The following ACAD8 variants were observed in gnomAD, a reference collection of about 807,000 sequenced individuals.
ACAD8 encodes isobutyryl-CoA dehydrogenase, mitochondrial.
Under a neutral mutation model 53.1 loss-of-function variants are expected in ACAD8, and 47 were observed. The observed-to-expected ratio is 0.89, with a 90% CI of 0.70 to 1.13. The LOEUF (loss-of-function observed/expected upper bound fraction) is 1.13, where lower values mean the gene tolerates loss of function less well. Ranked by LOEUF, ACAD8 falls within the 50% of genes most tolerant of loss-of-function variation. The pLI is 0.00. For synonymous variants in ACAD8, 198 were observed against 201.3 expected (o/e 0.98, Z 0.14); for missense variants, 494 against 535.0 (o/e 0.92, Z 0.76).
Position 134,253,576 on chromosome 11 carries a change from A to G in ACAD8, c.-25A>G, listed in dbSNP as rs1939248403. On this transcript the variant is annotated 5_prime_UTR_variant, in exon 1 of 11. Coordinates refer to ENST00000281182, the MANE Select transcript of ACAD8 (RefSeq NM_014384.3). Reference sequence around the variant, plus strand: ...GGAGGTCGAAGGCGTTCAGACTCTTAGCTGAACGCGGAGCTGCGGCGGCTA... The same window carrying G: ...GGAGGTCGAAGGCGTTCAGACTCTTGGCTGAACGCGGAGCTGCGGCGGCTA... The G allele has an allele frequency of 2.6e-6, 4 of 1,558,454 alleles. No individual in the cohort carries two copies. In the South Asian group the frequency reaches 3.5e-5, roughly 14 times the overall value.
intron 6 of ACAD8, chr11:134,260,065 G>A: frequency 8.2e-7 from 1 of 1,213,140 alleles, no homozygotes; most frequent in Non-Finnish European, 1.0e-6. Flanking sequence ...TCCAGGAAGA[G>A]ACGCTTAGAG....
intron 10 of ACAD8, chr11:134,263,141 A>G: frequency 3.7e-6 from 4 of 1,083,348 alleles, no homozygotes; most frequent in Non-Finnish European, 4.5e-6. Flanking sequence ...TCTATCGAGG[A>G]AACATGGAAG....
At position 134,261,763 on chromosome 11, in the gene ACAD8, T is replaced by G. The variant is rs577976129; in HGVS notation, c.965T>G (p.Met322Arg). The change falls in exon 9 of 11, where the codon ATG becomes AGG. Residue 322 changes from methionine to arginine, a missense_variant. Transcript: ENST00000281182. This position sits in a 1 kb window ranked among gnomAD's most constrained non-coding sequence, Gnocchi z 4.2. Reference sequence around the variant, plus strand: ...TACTTGCAATTCACACTGGCTGATATGGCAACAAGGCTGGTGGCCGCGCGG... The same window carrying G: ...TACTTGCAATTCACACTGGCTGATAGGGCAACAAGGCTGGTGGCCGCGCGG... ...NQYLQFTLAD[M>R]ATRLVAARLM... 12 of 1,614,036 alleles carry G rather than the reference T, an allele frequency of 7.4e-6. No homozygotes were observed. The highest frequency in any genetic ancestry group is 1.0e-5 in the Non-Finnish European group (12 of 1,180,042).
rs1406981659 is a variant in ACAD8 at position 134,253,655 on chromosome 11, G to A, written c.55G>A (p.Gly19Ser). 3 of 1,596,948 alleles carry A rather than the reference G, an allele frequency of 1.9e-6. No individual in the cohort carries two copies. The highest frequency in any genetic ancestry group is 1.7e-5 in the Admixed American group (1 of 58,214). Residue 19 changes from glycine (G) to serine (S), a missense_variant, in exon 1 of 11, where the codon GGT becomes AGT. Gly to Ser is a moderately conservative substitution (Grantham distance 56, BLOSUM62 0). Transcript: ENST00000281182. ...GGCGCGCCTCGGCTGCCTGCCCGGC[G>A]GTCTCCGGGTCCTCGTCCAGACCGG... ...FGARLGCLPG[G>S]LRVLVQTGHR...
chr11:134,258,813 G>A (rs1043899311), intron 4 of ACAD8, 189 bp downstream of exon 4: 2 of 733,088 alleles, frequency 2.7e-6, no homozygotes, highest in Non-Finnish European at 2.4e-6. Flanking sequence ...GTGTTGGGAG[G>A]TAGGCAGTGG....
At chr11:134,260,382 T>TG (rs1565374350) in intron 6 of ACAD8, 2 of 204,732 alleles carry the variant, frequency 9.8e-6, no homozygotes, top group South Asian at 2.0e-4. Flanking sequence ...TGTACTGTTA[T>TG]GGGGGGACTT....
chr11:134,259,803 C>T (rs1939774770), intron 6 of ACAD8, 58 bp downstream of exon 6: 1 of 1,612,814 alleles, frequency 6.2e-7, no homozygotes, highest in Admixed American at 1.7e-5. Flanking sequence ...ACCTGCCAGC[C>T]CAACTCCTGC....
chr11:134,262,513 C>T lies in ACAD8; in HGVS notation c.1093-7C>T. 6.2e-7 allele frequency: 1 copy of T among 1,605,988 alleles called. No homozygotes were observed. The highest frequency in any genetic ancestry group is 8.5e-7 in the Non-Finnish European group (1 of 1,173,202). ...GTCCAAGACGTCTAGTCCCTGTCTC[C>T]CTGCAGATCTGCAACCAGGCCTTGC... On this transcript the variant is annotated splice_region_variant and splice_polypyrimidine_tract_variant and intron_variant, in intron 9 of 10. Transcript: ENST00000281182.
chr11:134,259,785 ACT>A (rs1939772947), intron 6 of ACAD8, 40 bp downstream of exon 6: 8 of 1,613,818 alleles, frequency 5.0e-6, no homozygotes, highest in Non-Finnish European at 5.9e-6. Context: ...AGGTTATGAG[ACT>A]CTGCCACCTG....
intron 10 of ACAD8, 44 bp downstream of exon 10, chr11:134,262,666 C>T (rs780482675): frequency 1.9e-5 from 29 of 1,565,048 alleles, no homozygotes; most frequent in South Asian, 1.0e-4. Flanking sequence ...AGAACGGGGG[C>T]GGGATCGCTG....
rs761362120 is a variant in ACAD8, at chr11:134,256,714, C to T, written c.210+66C>T. 10 of 1,392,442 alleles carry T rather than the reference C, an allele frequency of 7.2e-6. No individual in the cohort carries two copies. The South Asian group carries it at 1.1e-4, about 15-fold the overall frequency. 86.3% of individuals were successfully genotyped at this position (1,392,442 alleles called of 1,614,324 possible). ...GTCTCAGGCAGACCTTTATCTTTGT[C>T]TCCTGATAATGTAATTGTTAAATGT... On this transcript the variant is annotated intron_variant, in intron 2 of 10. Transcript: ENST00000281182.
intron 1 of ACAD8, among the ~76,000 whole-genome samples, chr11:134,255,297 A>G (rs1307957976): frequency 1.3e-5 from 2 of 152,054 alleles, no homozygotes; most frequent in East Asian, 1.9e-4. Context: ...CACCATGCCC[A>G]GCTAATTTTT....
At chr11:134,259,291 A>C (rs556359167) in intron 5 of ACAD8, 1 of 699,028 alleles carries the variant, frequency 1.4e-6, no homozygotes, top group African/African-American at 1.7e-5. Context: ...ACTTTTGTCT[A>C]TCCTTTTTAT....
chr11:134,256,500 G>A, intron 1 of ACAD8, 48 bp from the exon 2 acceptor site: 2 of 1,509,670 alleles, frequency 1.3e-6, no homozygotes, highest in South Asian at 2.3e-5. Flanking sequence ...ACACCTTGTT[G>A]GCAACACTGA....
At chr11:134,262,661 G>A (rs768468354) in intron 10 of ACAD8, 39 bp downstream of exon 10, 35 of 1,585,884 alleles carry the variant, frequency 2.2e-5, no homozygotes, top group Non-Finnish European at 2.4e-5. Context: ...CCTTCAGAAC[G>A]GGGGCGGGAT....
chr11:134,254,715 T>C (rs1174054126), intron 1 of ACAD8, among the ~76,000 whole-genome samples: 1 of 152,226 alleles, frequency 6.6e-6, no homozygotes, highest in African/African-American at 2.4e-5. Context: ...AGGTGGGTTT[T>C]GTTATTGTTT....
At chr11:134,254,203 C>T (rs1591500993) in intron 1 of ACAD8, among the ~76,000 whole-genome samples, 1 of 152,214 alleles carries the variant, frequency 6.6e-6, no homozygotes, top group Non-Finnish European at 1.5e-5. Flanking sequence ...ATATAAGAAG[C>T]TGGCTGGGTG....
At chr11:134,264,413 G>A (rs1380506233) in intron 10 of ACAD8, among the ~76,000 whole-genome samples, 2 of 152,172 alleles carry the variant, frequency 1.3e-5, no homozygotes, top group Admixed American at 6.5e-5. Flanking sequence ...AGCTACTCAG[G>A]AGGCTGAGGC....
intron 2 of ACAD8, 187 bp from the exon 3 acceptor site, chr11:134,256,901 C>A: frequency 1.4e-6 from 1 of 691,786 alleles, no homozygotes. Context: ...AAAGAAACTT[C>A]TTAATGCCAG....
Sources: allele counts gnomAD v4.1 joint callset (sites outside exome capture counted in the v4.1 genomes callset), GRCh38; gene constraint gnomAD v4.1.1; non-coding constraint Gnocchi (gnomAD v3.1); transcripts MANE v1.5; gene names NCBI Gene and HGNC (gene_info 2026-07-23, HGNC 2026-07-21).